The following KHDRBS2 variants were observed in gnomAD, a reference collection of about 807,000 sequenced individuals.
KHDRBS2 encodes the protein KH RNA binding domain containing, signal transduction associated 2, also known as KH domain-containing, RNA-binding, signal transduction-associated protein 2.
A neutral mutation model predicts 44.3 loss-of-function variants in KHDRBS2; 26 were observed. The observed-to-expected ratio is 0.59, with a 90% CI of 0.43 to 0.81. The LOEUF is 0.81. Ranked by LOEUF, KHDRBS2 falls within the 40% of genes least tolerant of loss-of-function variation. KHDRBS2 has a pLI of 0.00. For missense variants in KHDRBS2, 476 were observed against 433.1 expected (o/e 1.10, Z -0.88); for synonymous variants, 194 against 151.1 (o/e 1.28, Z -2.08).
intron 6 of KHDRBS2, among the ~76,000 whole-genome samples, chr6:61,741,788 C>T (rs546227484): frequency 3.2e-4 from 48 of 151,938 alleles, no homozygotes; most frequent in Middle Eastern, 3.4e-3. Flanking sequence ...TAAGTCATTG[C>T]GGCTTCTAGA....
intron 2 of KHDRBS2, among the ~76,000 whole-genome samples, chr6:62,099,845 C>T (rs1011503820): frequency 5.3e-5 from 8 of 152,096 alleles, no homozygotes; most frequent in African/African-American, 1.7e-4. Context: ...TGGAGATGTG[C>T]GGGGATATTA....
At chr6:61,937,772 C>A (rs1811305352) in intron 4 of KHDRBS2, among the ~76,000 whole-genome samples, 2 of 152,056 alleles carry the variant, frequency 1.3e-5, no homozygotes, top group Non-Finnish European at 2.9e-5. Flanking sequence ...GGTCTTTATT[C>A]TGACCTCTAA....
the KHDRBS2 span, among the ~76,000 whole-genome samples, chr6:61,664,553 C>G: frequency 6.6e-6 from 1 of 151,742 alleles, no homozygotes; most frequent in Non-Finnish European, 1.5e-5. Context: ...TTTAACAGAA[C>G]TGTAGCCATC....
At chr6:61,989,616 T>C (rs1333355157) in intron 3 of KHDRBS2, among the ~76,000 whole-genome samples, 1 of 152,236 alleles carries the variant, frequency 6.6e-6, no homozygotes, top group African/African-American at 2.4e-5. Context: ...TTGCCTGTGA[T>C]GTGCATCACA....
chr6:61,951,816 T>A (rs577053016), intron 4 of KHDRBS2, among the ~76,000 whole-genome samples: 20 of 152,020 alleles, frequency 1.3e-4, no homozygotes, highest in Non-Finnish European at 2.9e-4. Context: ...CCATAAGCAA[T>A]CCCTCATTCT....
At chr6:62,243,125 T>C (rs1834962692) in intron 1 of KHDRBS2, among the ~76,000 whole-genome samples, 1 of 152,172 alleles carries the variant, frequency 6.6e-6, no homozygotes, top group South Asian at 2.1e-4. Flanking sequence ...AGAAATACAA[T>C]ACATACAATA....
At chr6:62,194,538 T>C (rs1416496375) in intron 1 of KHDRBS2, among the ~76,000 whole-genome samples, 1 of 125,868 alleles carries the variant, frequency 7.9e-6, no homozygotes, top group Non-Finnish European at 1.6e-5. Flanking sequence ...TCTCTCTCTG[T>C]TGCCCAGGCT....
intron 7 of KHDRBS2, among the ~76,000 whole-genome samples, chr6:61,699,711 T>C (rs940548488): frequency 6.6e-6 from 1 of 152,044 alleles, no homozygotes; most frequent in African/African-American, 2.4e-5. Context: ...GAAAAGTCTA[T>C]ATATCAGAGA....
intron 2 of KHDRBS2, among the ~76,000 whole-genome samples, chr6:62,063,551 C>G (rs1490320616): frequency 6.6e-6 from 1 of 151,568 alleles, no homozygotes; most frequent in Non-Finnish European, 1.5e-5. Flanking sequence ...TCAATAGATG[C>G]AGAAAAAGCC....
chr6:62,240,721 CAT>C (rs1834530239), intron 1 of KHDRBS2, among the ~76,000 whole-genome samples: 1 of 92,506 alleles, frequency 1.1e-5, no homozygotes, highest in South Asian at 3.7e-4. Flanking sequence ...TATATATAAA[CAT>C]GAGTTCATAC....
At chr6:61,762,441 G>A (rs1779408412) in intron 6 of KHDRBS2, among the ~76,000 whole-genome samples, 2 of 152,138 alleles carry the variant, frequency 1.3e-5, no homozygotes, top group South Asian at 4.1e-4. Flanking sequence ...AGTCATGGGG[G>A]CAGATTCCTC....
the KHDRBS2 span, among the ~76,000 whole-genome samples, chr6:61,662,574 C>G: frequency 6.6e-6 from 1 of 152,166 alleles, no homozygotes; most frequent in Non-Finnish European, 1.5e-5. Flanking sequence ...ACAACCCCAT[C>G]AACAAGTGGG....
At chr6:62,175,257 A>G (rs960355877) in intron 2 of KHDRBS2, among the ~76,000 whole-genome samples, 1 of 151,618 alleles carries the variant, frequency 6.6e-6, no homozygotes, top group Non-Finnish European at 1.5e-5. Context: ...TTTAAAAATA[A>G]AGGAGTTTGG....
chr6:61,904,082 A>G (rs1357605452), intron 4 of KHDRBS2, among the ~76,000 whole-genome samples: 1 of 152,164 alleles, frequency 6.6e-6, no homozygotes, highest in East Asian at 1.9e-4. Flanking sequence ...ATGGTACATG[A>G]GAGATATATT....
At chr6:61,547,630 T>G in the KHDRBS2 span, among the ~76,000 whole-genome samples, 42 of 152,244 alleles carry the variant, frequency 2.8e-4, no homozygotes, top group Admixed American at 1.2e-3. Context: ...CTGGTTTGCA[T>G]CACTTCGAGA....
At chr6:61,951,371 T>C (rs1319548508) in intron 4 of KHDRBS2, among the ~76,000 whole-genome samples, 2 of 152,064 alleles carry the variant, frequency 1.3e-5, no homozygotes, top group Non-Finnish European at 2.9e-5. Flanking sequence ...AACTGGACAA[T>C]TTATACTTAT....
chr6:61,991,607 C>T (rs773036832), intron 3 of KHDRBS2, among the ~76,000 whole-genome samples: 2 of 152,288 alleles, frequency 1.3e-5, no homozygotes, highest in East Asian at 1.9e-4. Context: ...AAGGGTGAGT[C>T]GTCACTGCCA....
intron 5 of KHDRBS2, among the ~76,000 whole-genome samples, chr6:61,895,846 A>G (rs1400108053): frequency 1.3e-5 from 2 of 152,204 alleles, no homozygotes; most frequent in Non-Finnish European, 2.9e-5. Context: ...GACATAGGTT[A>G]TGCTGTCTGC....
intron 2 of KHDRBS2, among the ~76,000 whole-genome samples, chr6:62,070,400 A>C (rs1376510410): frequency 6.6e-6 from 1 of 151,498 alleles, no homozygotes. Flanking sequence ...CAGGTTTGTT[A>C]CATATATATA....
Sources: allele counts gnomAD v4.1 joint callset (sites outside exome capture counted in the v4.1 genomes callset), GRCh38; gene constraint gnomAD v4.1.1; transcripts MANE v1.5; gene names NCBI Gene and HGNC (gene_info 2026-07-23, HGNC 2026-07-21).